The following WWOX variants were observed in gnomAD, a reference collection of about 807,000 sequenced individuals.
WWOX encodes the protein WW domain containing oxidoreductase.
Under a neutral mutation model 46.2 loss-of-function variants are expected in WWOX, and 69 were observed. That is an observed-to-expected ratio of 1.49 (90% CI 1.23 to 1.82). WWOX has a LOEUF of 1.82. WWOX is among the 40% of genes most tolerant of loss of function. The probability of loss-of-function intolerance (pLI) is 0.00; values close to 1 mark genes in which losing one functional copy is unlikely to be tolerated. For missense variants in WWOX, 919 were observed against 542.6 expected (o/e 1.69, Z -6.89); for synonymous variants, 359 against 202.6 (o/e 1.77, Z -6.56).
chr16:79,153,886 C>G (rs928233131), intron 8 of WWOX, among the ~76,000 whole-genome samples: 1 of 152,058 alleles, frequency 6.6e-6, no homozygotes, highest in East Asian at 1.9e-4. Context: ...AGGTATGGCC[C>G]CTAAGGTTTG....
chr16:78,913,499 C>T (rs746613085), intron 8 of WWOX, among the ~76,000 whole-genome samples: 5 of 151,836 alleles, frequency 3.3e-5, no homozygotes, highest in African/African-American at 1.2e-4. Context: ...GGAAGCCATA[C>T]ACAAGCTGGA....
chr16:79,129,634 G>T (rs1455128214), intron 8 of WWOX, among the ~76,000 whole-genome samples: 1 of 152,028 alleles, frequency 6.6e-6, no homozygotes, highest in Non-Finnish European at 1.5e-5. Context: ...ATTCTCAAAT[G>T]AAATTCATTT....
intron 8 of WWOX, among the ~76,000 whole-genome samples, chr16:78,881,874 G>T (rs963707817): frequency 6.6e-6 from 1 of 152,186 alleles, no homozygotes; most frequent in Non-Finnish European, 1.5e-5. Flanking sequence ...TGTAATCCCA[G>T]CACTTTGGTA....
At chr16:78,325,279 A>G (rs1446654436) in intron 5 of WWOX, among the ~76,000 whole-genome samples, 2 of 152,260 alleles carry the variant, frequency 1.3e-5, no homozygotes, top group African/African-American at 2.4e-5. Flanking sequence ...AGGTGTTGTT[A>G]AAACAGCTCT....
chr16:78,108,971 G>A (rs1188310388), intron 2 of WWOX, among the ~76,000 whole-genome samples: 1 of 152,222 alleles, frequency 6.6e-6, no homozygotes, highest in East Asian at 1.9e-4. Context: ...CTCGGTGACA[G>A]AGTGAGATGC....
At chr16:78,355,882 CCTCT>C in intron 5 of WWOX, 1 of 519,840 alleles carries the variant, frequency 1.9e-6, no homozygotes, top group Admixed American at 2.5e-5. Context: ...TGTACAGTGG[CCTCT>C]CTAAATGTGC....
intron 8 of WWOX, among the ~76,000 whole-genome samples, chr16:78,977,395 T>C (rs913440654): frequency 4.6e-5 from 7 of 152,106 alleles, no homozygotes; most frequent in African/African-American, 1.7e-4. Context: ...TAGAAGTTTG[T>C]GGGGTGGCAC....
At chr16:79,205,396 C>A (rs2051476537) in intron 8 of WWOX, 1 of 152,178 alleles carries the variant, frequency 6.6e-6, no homozygotes. Flanking sequence ...GAACCTGTTG[C>A]TAGCAAAGAA....
At chr16:78,529,012 G>A (rs978202922) in intron 8 of WWOX, among the ~76,000 whole-genome samples, 11 of 147,544 alleles carry the variant, frequency 7.5e-5, no homozygotes, top group Non-Finnish European at 1.2e-4. Flanking sequence ...GGAGTACAGT[G>A]GCACGATCTT....
intron 6 of WWOX, among the ~76,000 whole-genome samples, chr16:78,404,515 A>G (rs113712609): frequency 0.03 from 4,626 of 152,138 alleles, 112 homozygotes; most frequent in Middle Eastern, 0.071. Context: ...CCCTTCTTCT[A>G]TTTGTATGAA....
intron 8 of WWOX, among the ~76,000 whole-genome samples, chr16:78,948,101 C>G (rs899320875): frequency 6.6e-6 from 1 of 152,188 alleles, no homozygotes; most frequent in African/African-American, 2.4e-5. Flanking sequence ...CGTGCAGCTG[C>G]TAGCATCTTG....
chr16:79,160,880 CATA>C, intron 8 of WWOX, among the ~76,000 whole-genome samples: 1 of 93,958 alleles, frequency 1.1e-5, no homozygotes, highest in Non-Finnish European at 2.0e-5. Flanking sequence ...AAATTGTGTA[CATA>C]CACATATACA....
At chr16:78,901,356 C>A (rs954155550) in intron 8 of WWOX, among the ~76,000 whole-genome samples, 1 of 152,172 alleles carries the variant, frequency 6.6e-6, no homozygotes, top group East Asian at 1.9e-4. Context: ...AATATTTTCA[C>A]GGAAATATTT....
chr16:78,414,670 C>G (rs915541144), intron 6 of WWOX, among the ~76,000 whole-genome samples: 1 of 152,194 alleles, frequency 6.6e-6, no homozygotes, highest in African/African-American at 2.4e-5. Context: ...GAGAAAGTTG[C>G]AAATCTTGTG....
chr16:78,682,080 G>A (rs778723501), intron 8 of WWOX, among the ~76,000 whole-genome samples: 1 of 152,188 alleles, frequency 6.6e-6, no homozygotes, highest in Admixed American at 6.5e-5. Context: ...GAAAATGCAT[G>A]TATGTAAAGT....
chr16:79,104,609 A>T (rs1045989238), intron 8 of WWOX, among the ~76,000 whole-genome samples: 1 of 152,216 alleles, frequency 6.6e-6, no homozygotes, highest in Non-Finnish European at 1.5e-5. Context: ...GTTGAGGCAG[A>T]TAGATGCACA....
chr16:78,897,986 A>T (rs1005571098), intron 8 of WWOX: 2 of 151,710 alleles, frequency 1.3e-5, no homozygotes, highest in Non-Finnish European at 2.9e-5. Context: ...TTGTTTATGT[A>T]TTGGCCATTT....
chr16:79,090,151 G>C (rs2048928485), intron 8 of WWOX: 1 of 152,036 alleles, frequency 6.6e-6, no homozygotes, highest in African/African-American at 2.4e-5. Context: ...GAAGTTTTAT[G>C]ACCAACAATT....
intron 8 of WWOX, among the ~76,000 whole-genome samples, chr16:78,487,536 T>G (rs924951110): frequency 3.3e-5 from 5 of 152,204 alleles, no homozygotes; most frequent in Non-Finnish European, 7.3e-5. Context: ...TATTTGGGAC[T>G]TACTGCAGAT....
Sources: gnomAD v4.1 joint callset for allele counts (sites outside exome capture counted in the v4.1 genomes callset) on GRCh38, gnomAD v4.1.1 for gene constraint, MANE v1.5 for transcripts, NCBI Gene and HGNC (gene_info 2026-07-23, HGNC 2026-07-21) for gene names.